ROS1: variants seen among roughly 807,000 people sequenced by gnomAD.
ROS1 encodes proto-oncogene tyrosine-protein kinase ROS.
A neutral mutation model predicts 273.5 loss-of-function variants in ROS1; 263 were observed. The observed-to-expected ratio is 0.96, with a 90% CI of 0.87 to 1.06. ROS1 has a LOEUF of 1.06. Among genes scored for constraint, ROS1 ranks in the 50% least tolerant of loss-of-function variants. The probability of loss-of-function intolerance (pLI) is 0.00; values close to 1 mark genes in which losing one functional copy is unlikely to be tolerated. For missense variants in ROS1, 2,833 were observed against 2,751.1 expected, an observed-to-expected ratio of 1.03 and a Z score of -0.67; for synonymous variants, 1,008 against 954.1, an observed-to-expected ratio of 1.06 and a Z score of -1.04.
At chr6:117,421,508 G>GGTTTTC (rs1775756606) in intron 1 of ROS1, among the ~76,000 whole-genome samples, 3 of 151,936 alleles carry the variant, frequency 2.0e-5, no homozygotes, top group Non-Finnish European at 4.4e-5. Flanking sequence ...AGAACATACG[G>GGTTTTC]TATTTGGTTT....
chr6:117,360,392 G>T lies in ROS1; in HGVS notation c.3380C>A (p.Thr1127Lys). The T allele has an allele frequency of 6.2e-7, 1 of 1,613,060 alleles. No individual in the cohort carries two copies. The highest frequency in any genetic ancestry group is 8.5e-7 in the Non-Finnish European group (1 of 1,179,420). Residue 1127 changes from threonine (T) to lysine (K), a missense_variant, in exon 23 of 44, where the codon ACA becomes AAA. By Grantham distance (78) the Thr-to-Lys change is moderately conservative. Transcript: ENST00000368507. ...AGCATATGGTCCTGGCCCCTTAGAT[G>T]TAAAGGCCCTAACCTAAAGAAAAGG... ...CFIAFQVRAF[T>K]SKGPGPYADV... is the part of the protein sequence containing the mutation.
At chr6:117,381,320 T>C (rs1772125340) in intron 17 of ROS1, among the ~76,000 whole-genome samples, 1 of 151,946 alleles carries the variant, frequency 6.6e-6, no homozygotes, top group African/African-American at 2.4e-5. Context: ...GAGATTTCAG[T>C]GCACCAGTCA....
At chr6:117,423,699 T>G (rs536783451) in intron 1 of ROS1, among the ~76,000 whole-genome samples, 4 of 146,166 alleles carry the variant, frequency 2.7e-5, no homozygotes, top group Non-Finnish European at 6.0e-5. Flanking sequence ...ATTCTTGTGG[T>G]GACTTTTTTT....
intron 33 of ROS1, among the ~76,000 whole-genome samples, chr6:117,327,387 T>C (rs1776716229): frequency 1.3e-5 from 2 of 152,194 alleles, no homozygotes; most frequent in African/African-American, 4.8e-5. Flanking sequence ...ACCTTTAGCA[T>C]TGGCCATTTC....
At chr6:117,412,314 T>C (rs72967491) in intron 4 of ROS1, among the ~76,000 whole-genome samples, 15,586 of 151,786 alleles carry the variant, frequency 0.1, 900 homozygotes, top group Middle Eastern at 0.17. Context: ...TATATGTATA[T>C]ATATTCTTTT....
Position 117,337,259 on chromosome 6 carries a change from G to A in ROS1, c.5143C>T (p.Pro1715Ser), listed in dbSNP as rs1777550222. 3.1e-6 allele frequency: 5 copies of A among 1,612,328 alleles called. No individual in the cohort carries two copies. Among genetic ancestry groups the A allele is most frequent in the Middle Eastern group, 1.7e-4 (1 of 6,050 alleles). Residue 1715 changes from proline (P) to serine (S), a missense_variant, in exon 32 of 44, where the codon CCT becomes TCT. Transcript: ENST00000368507. ...ACTCTGACATTATATGAAGTATAAG[G>A]TTGTAGATTTGTGATATTACAGACA... The part of the protein sequence containing the change: ...AYVCNITNLQ[P>S]YTSYNVRVVV...
chr6:117,328,132 C>A (rs1433996310), intron 33 of ROS1, among the ~76,000 whole-genome samples: 1 of 152,158 alleles, frequency 6.6e-6, no homozygotes, highest in Non-Finnish European at 1.5e-5. Context: ...CAAGTTCATG[C>A]ACTTTGCACT....
chr6:117,346,911 T>TC (rs1222500342), intron 27 of ROS1, among the ~76,000 whole-genome samples: 2 of 124,394 alleles, frequency 1.6e-5, no homozygotes, highest in African/African-American at 5.1e-5. Context: ...CGCCACTTCT[T>TC]CCCCCAGCCT....
Position 117,385,795 on chromosome 6 carries a change from A to G in ROS1, c.2177T>C (p.Leu726Pro), listed in dbSNP as rs1197137422. ...DTKGDVFVWL[L>P]NGTDISENYH... ...ATTCTCTGAGATATCCGTCCCATTC[A>G]GCAGCCACACAAAAACGTCGCCTTT... The change falls in exon 16 of 44, where the codon CTG (leucine) becomes CCG (proline). Residue 726 changes from leucine to proline, a missense_variant. Physicochemically the swap from Leu to Pro is moderately conservative, Grantham distance 98. Transcript: ENST00000368507. The G allele has an allele frequency of 1.2e-6, 2 of 1,614,196 alleles. No homozygotes were observed. The highest frequency in any genetic ancestry group is 2.2e-5 in the South Asian group (2 of 91,082).
chr6:117,408,414 G>A (rs1280974374), intron 5 of ROS1, among the ~76,000 whole-genome samples: 2 of 152,148 alleles, frequency 1.3e-5, no homozygotes, highest in Non-Finnish European at 2.9e-5. Flanking sequence ...GATACGAACA[G>A]GCACTTCTCC....
intron 32 of ROS1, among the ~76,000 whole-genome samples, chr6:117,331,027 G>A (rs1777044646): frequency 6.6e-6 from 1 of 152,168 alleles, no homozygotes; most frequent in African/African-American, 2.4e-5. Flanking sequence ...CACAAGATGG[G>A]TAGAAAAAAC....
At chr6:117,372,086 G>C (rs188924907) in intron 18 of ROS1, among the ~76,000 whole-genome samples, 42 of 152,238 alleles carry the variant, frequency 2.8e-4, no homozygotes, top group African/African-American at 9.4e-4. Flanking sequence ...AGGCATAGAA[G>C]GGGCATATCT....
In ROS1 at chr6:117,385,768, T is replaced by C; in HGVS notation, c.2204A>G (p.Tyr735Cys). 1 of 1,614,202 alleles carries C rather than the reference T, an allele frequency of 6.2e-7. No individual in the cohort carries two copies. Among genetic ancestry groups the C allele is most frequent in the Non-Finnish European group, 8.5e-7 (1 of 1,180,034 alleles). Reference sequence around the variant, plus strand: ...TGCTCCTGCAATGCTGGGTAGGTGATAATTCTCTGAGATATCCGTCCCATT... The same window carrying C: ...TGCTCCTGCAATGCTGGGTAGGTGACAATTCTCTGAGATATCCGTCCCATT... ...LLNGTDISEN[Y>C]HLPSIAGAGA... The change falls in exon 16 of 44, where the codon TAT becomes TGT. Residue 735 changes from tyrosine to cysteine, a missense_variant. Tyr to Cys is a radical substitution (Grantham distance 194). Coordinates refer to ENST00000368507, the MANE Select transcript of ROS1 (RefSeq NM_001378902.1).
In ROS1 at chr6:117,359,856, C is replaced by T. The variant is rs1213277193; in HGVS notation, c.3586G>A (p.Gly1196Arg). The T allele has an allele frequency of 1.1e-5, 18 of 1,613,834 alleles. No homozygotes were observed. The highest frequency in any genetic ancestry group is 1.4e-5 in the Non-Finnish European group (17 of 1,179,922). Residue 1196 changes from glycine to arginine, a missense_variant, in exon 24 of 44, where the codon GGG (glycine) becomes AGG (arginine). Transcript: ENST00000368507. ...AAGTGCAGAAGAAAGAGTGAGTCCC[C>T]TTCAGCATAATATCCCATCTCATTA... is the stretch of plus-strand genomic sequence containing the variant. ...ADNEMGYYAE[G>R]DSLFLLHLHN...
intron 1 of ROS1, among the ~76,000 whole-genome samples, chr6:117,420,525 A>G (rs1775672276): frequency 6.6e-6 from 1 of 151,576 alleles, no homozygotes; most frequent in Non-Finnish European, 1.5e-5. Context: ...GCACAAGTAT[A>G]CATATGTAAC....
chr6:117,333,575 T>C (rs1777253757), intron 32 of ROS1, among the ~76,000 whole-genome samples: 1 of 152,172 alleles, frequency 6.6e-6, no homozygotes, highest in African/African-American at 2.4e-5. Flanking sequence ...TGAACATTGA[T>C]GTAAAAATCC....
chr6:117,321,312 C>T lies in ROS1; in HGVS notation c.5706G>A (p.Glu1902=), dbSNP rs1171222730. 4 of 1,613,686 alleles carry T rather than the reference C, an allele frequency of 2.5e-6. No individual in the cohort carries two copies. In the Admixed American group the frequency reaches 5.0e-5, roughly 20 times the overall value. ...VLINEDKELA[E]LRGLAAGVGL... ...CTACTCCGGCTGCCAGACCTCGCAG[C>T]TCAGCCAACTCTTTGTCTTCGTTTA... Residue 1902 remains glutamate, a synonymous_variant, in exon 36 of 44, where the codon GAG becomes GAA. Coordinates refer to ENST00000368507, the MANE Select transcript of ROS1 (RefSeq NM_001378902.1).
rs571303627 is a variant in ROS1, at chr6:117,329,646, C to T, written c.5231-200G>A. Among the ~76,000 whole-genome samples the T allele has an allele frequency of 6.6e-5, 10 of 152,180 alleles. No homozygotes were observed. In the South Asian group the frequency reaches 1.0e-3, roughly 16 times the overall value. On this transcript the variant is annotated intron_variant, in intron 32 of 43. Transcript: ENST00000368507. ...CATAATAAGTGTGTGAGTCCTTCAC[C>T]GGCAAGGTATCTAGATTCGCTCATC...
chr6:117,374,653 G>T (rs1349074920), intron 18 of ROS1, among the ~76,000 whole-genome samples: 1 of 152,182 alleles, frequency 6.6e-6, no homozygotes, highest in Non-Finnish European at 1.5e-5. Flanking sequence ...AAAAGCTTCT[G>T]CACAGCAAAA....
Sources: allele counts gnomAD v4.1 joint callset (sites outside exome capture counted in the v4.1 genomes callset), GRCh38; gene constraint gnomAD v4.1.1; transcripts MANE v1.5; gene names NCBI Gene and HGNC (gene_info 2026-07-23, HGNC 2026-07-21).